Variants in TIMM21 observed in about 807,000 individuals in gnomAD.
TIMM21 encodes translocase of inner mitochondrial membrane 21.
Under a neutral mutation model 27.7 loss-of-function variants are expected in TIMM21, and 30 were observed. That is an observed-to-expected ratio of 1.08 (90% CI 0.81 to 1.47). TIMM21 has a LOEUF of 1.47. Among genes scored for constraint, TIMM21 ranks in the 40% most tolerant of loss-of-function variants. TIMM21 has a pLI of 0.00. For missense variants in TIMM21, 292 were observed against 302.9 expected (o/e 0.96, Z 0.27); for synonymous variants, 121 against 114.4 (o/e 1.06, Z -0.37).
Position 74,148,833 on chromosome 18 carries a change from G to A in TIMM21, c.25G>A (p.Val9Ile). MICTFLRA[V>I]QYTEKLHRSS... ...CATGATTTGTACTTTTCTACGAGCC[G>A]TACAGTATACGGAGAAGCTGCACAG... is the stretch of plus-strand genomic sequence containing the variant. The change falls in exon 1 of 6, where the codon GTA becomes ATA. Residue 9 changes from valine to isoleucine, a missense_variant. Physicochemically the swap from Val to Ile is conservative, Grantham distance 29. Transcript: ENST00000169551. 6.2e-7 allele frequency: 1 copy of A among 1,610,684 alleles called. No homozygotes were observed. The highest frequency in any genetic ancestry group is 8.5e-7 in the Non-Finnish European group (1 of 1,177,036).
intron 1 of TIMM21, among the ~76,000 whole-genome samples, chr18:74,154,373 T>C (rs1454373047): frequency 6.6e-6 from 1 of 152,064 alleles, no homozygotes; most frequent in Admixed American, 6.6e-5. Context: ...GCCATTCTCC[T>C]GCCTCAGCCT....
intron 1 of TIMM21, among the ~76,000 whole-genome samples, chr18:74,150,512 G>C (rs768370438): frequency 4.4e-4 from 67 of 152,226 alleles, no homozygotes; most frequent in Admixed American, 7.9e-4. Flanking sequence ...TGTTATGATA[G>C]AGGGTGAGAG....
chr18:74,158,395 A>G lies in TIMM21; in HGVS notation c.662A>G (p.Tyr221Cys). 1 of 1,606,430 alleles carries G rather than the reference A, an allele frequency of 6.2e-7. No individual in the cohort carries two copies. Among genetic ancestry groups the G allele is most frequent in the Non-Finnish European group, 8.5e-7 (1 of 1,174,912 alleles). The change falls in exon 6 of 6, where the codon TAT becomes TGT. Residue 221 changes from tyrosine (Y) to cysteine (C), a missense_variant. By Grantham distance (194) the Tyr-to-Cys change is radical. Transcript: ENST00000169551. Reference protein sequence around the residue: ...QVKENPGSGEYDFRYIFVEIE... With the variant: ...QVKENPGSGECDFRYIFVEIE... ...TTTCAGAACCCAGGAAGTGGTGAAT[A>G]TGATTTTCGATATATATTTGTAGAA...
At position 74,158,587 on chromosome 18, in the gene TIMM21, A is replaced by G. The variant is rs1188051972; in HGVS notation, c.*107A>G. ...AAAGACAAGAAGGAGTGTATGGCTTATAAAGTGAATCTAATACAGTATTTG... is the reference window on the plus strand; with the variant it reads ...AAAGACAAGAAGGAGTGTATGGCTTGTAAAGTGAATCTAATACAGTATTTG... On this transcript the variant is annotated 3_prime_UTR_variant, in exon 6 of 6. Coordinates refer to ENST00000169551, the MANE Select transcript of TIMM21 (RefSeq NM_014177.3). 1.4e-6 allele frequency: 1 copy of G among 714,746 alleles called. No individual in the cohort carries two copies. The highest frequency in any genetic ancestry group is 2.4e-6 in the Non-Finnish European group (1 of 412,364). The allele number at this position is 714,746 out of a possible 1,614,324, so 44.3% of individuals were successfully genotyped here. A position where few individuals can be genotyped will look rare whatever the true frequency, so the allele number is the denominator to read the frequency against.
Position 74,153,850 on chromosome 18 carries a change from A to G in TIMM21, c.302-1295A>G, listed in dbSNP as rs545241482. On this transcript the variant is annotated intron_variant, in intron 1 of 5. Transcript: ENST00000169551. ...GCAACATCTATTAAAATTTTCTTCCAAAAGTTTTTTTCTTAAAAATTTTTT... is the reference window on the plus strand; with the variant it reads ...GCAACATCTATTAAAATTTTCTTCCGAAAGTTTTTTTCTTAAAAATTTTTT... Among the ~76,000 whole-genome samples the G allele has an allele frequency of 6.6e-5, 10 of 152,344 alleles. No individual in the cohort carries two copies. In the East Asian group the frequency reaches 1.2e-3, roughly 18 times the overall value.
Position 74,158,875 on chromosome 18 carries a change from G to A in TIMM21, c.*395G>A, listed in dbSNP as rs376415729. On this transcript the variant is annotated 3_prime_UTR_variant, in exon 6 of 6. Transcript: ENST00000169551. ...AATATGTCATTAGCAGCTGCCCTCC[G>A]CATACTTTGGAATCTGACTTGAGAT... 4.8e-5 allele frequency: 9 copies of A among 185,838 alleles called. No individual in the cohort carries two copies. The highest frequency in any genetic ancestry group is 3.2e-4 in the South Asian group (3 of 9,314). 11.5% of individuals were successfully genotyped at this position (185,838 alleles called of 1,614,324 possible).
chr18:74,154,929 A>G (rs72974513), intron 1 of TIMM21, among the ~76,000 whole-genome samples: 1 of 152,324 alleles, frequency 6.6e-6, no homozygotes, highest in Non-Finnish European at 1.5e-5. Context: ...GGATTTCTTC[A>G]TCCTAAATTA....
At chr18:74,154,418 C>T (rs1457845590) in intron 1 of TIMM21, among the ~76,000 whole-genome samples, 1 of 152,158 alleles carries the variant, frequency 6.6e-6, no homozygotes, top group African/African-American at 2.4e-5. Flanking sequence ...CCCGCCACTG[C>T]GCCCGGGTAA....
intron 1 of TIMM21, among the ~76,000 whole-genome samples, chr18:74,154,025 C>T (rs1162622103): frequency 1.3e-5 from 2 of 152,092 alleles, no homozygotes; most frequent in Non-Finnish European, 2.9e-5. Flanking sequence ...AATGTTATAG[C>T]TCTTTGCATA....
Position 74,158,041 on chromosome 18 carries a change from A to G in TIMM21, c.490A>G (p.Lys164Glu), listed in dbSNP as rs762968630. 5.0e-6 allele frequency: 8 copies of G among 1,614,180 alleles called. No individual in the cohort carries two copies. The Admixed American group carries it at 1.2e-4, about 24-fold the overall frequency. ...EVIGVFGESV[K>E]GYGEVTRRGR... ...GATCGGTGTCTTTGGTGAGTCTGTT[A>G]AAGGCTATGGGGAGGTGACAAGGCG... The change falls in exon 4 of 6, where the codon AAA becomes GAA. Residue 164 changes from lysine to glutamate, a missense_variant. Lys to Glu is a moderately conservative substitution (Grantham distance 56, BLOSUM62 1). Transcript: ENST00000169551.
intron 1 of TIMM21, 49 bp downstream of exon 1, chr18:74,149,158 G>A: frequency 6.4e-7 from 1 of 1,561,004 alleles, no homozygotes; most frequent in Non-Finnish European, 8.7e-7. Context: ...CATGACAAGA[G>A]CTGCCAATGC....
At chr18:74,155,830 G>A (rs993017307) in intron 3 of TIMM21, among the ~76,000 whole-genome samples, 11 of 152,124 alleles carry the variant, frequency 7.2e-5, no homozygotes, top group Non-Finnish European at 1.5e-4. Flanking sequence ...ATTTGTGTTC[G>A]GCACTACTTT....
At position 74,159,239 on chromosome 18, in the gene TIMM21, T is replaced by G. The variant is rs910494141; in HGVS notation, c.*759T>G. ...TCTGACTGCCAAAAGAACATGGGAG[T>G]GAATGAGAGACATTCAAATACGTGT... is the stretch of plus-strand genomic sequence containing the variant. On this transcript the variant is annotated 3_prime_UTR_variant, in exon 6 of 6. Transcript: ENST00000169551. The G allele has an allele frequency of 7.0e-6, 1 of 142,602 alleles. No homozygotes were observed. The highest frequency in any genetic ancestry group is 2.6e-5 in the African/African-American group (1 of 37,872). The allele number at this position is 142,602 out of a possible 1,614,324, so 8.8% of individuals were successfully genotyped here.
In TIMM21 at chr18:74,148,554, T is replaced by C. The variant is rs1979670485; in HGVS notation, c.-255T>C. ...CTTTGCGAAGGCATGGCGGGGACACTGTGAATGTCAGCCCAGAAGGTGATC... is the reference window on the plus strand; with the variant it reads ...CTTTGCGAAGGCATGGCGGGGACACCGTGAATGTCAGCCCAGAAGGTGATC... On this transcript the variant is annotated 5_prime_UTR_variant, in exon 1 of 6. Coordinates refer to ENST00000169551, the MANE Select transcript of TIMM21 (RefSeq NM_014177.3). 2 of 361,494 alleles carry C rather than the reference T, an allele frequency of 5.5e-6. No individual in the cohort carries two copies. The highest frequency in any genetic ancestry group is 5.1e-6 in the Non-Finnish European group (1 of 197,782). 22.4% of individuals were successfully genotyped at this position (361,494 alleles called of 1,614,324 possible).
At position 74,159,897 on chromosome 18, in the gene TIMM21, C is replaced by T. The variant is rs1310512411; in HGVS notation, c.*1417C>T. On this transcript the variant is annotated 3_prime_UTR_variant, in exon 6 of 6. Coordinates refer to ENST00000169551, the MANE Select transcript of TIMM21 (RefSeq NM_014177.3). Reference sequence around the variant, plus strand: ...CAAACTGTAGCTTGCTGAAGAAGCCCGGCATCTGAGCTCAGGTGGGGATTT... The same window carrying T: ...CAAACTGTAGCTTGCTGAAGAAGCCTGGCATCTGAGCTCAGGTGGGGATTT... The T allele has an allele frequency of 1.3e-5, 2 of 152,170 alleles. No individual in the cohort carries two copies. The highest frequency in any genetic ancestry group is 2.4e-5 in the African/African-American group (1 of 41,428). The allele number at this position is 152,170 out of a possible 1,614,324, so 9.4% of individuals were successfully genotyped here.
In TIMM21 at chr18:74,158,356, A is replaced by C; in HGVS notation, c.643-20A>C. The stretch of plus-strand genomic sequence containing the variant: ...TTCTGGAAAGGAAAATAATACCTGG[A>C]AACACTACATTTTTTTCAGAACCCA... On this transcript the variant is annotated intron_variant, in intron 5 of 5. Transcript: ENST00000169551. 6.2e-7 allele frequency: 1 copy of C among 1,606,548 alleles called. No individual in the cohort carries two copies. The highest frequency in any genetic ancestry group is 8.5e-7 in the Non-Finnish European group (1 of 1,174,608).
chr18:74,151,946 C>CCCT (rs1555682325), intron 1 of TIMM21, among the ~76,000 whole-genome samples: 1 of 140,616 alleles, frequency 7.1e-6, no homozygotes, highest in Non-Finnish European at 1.5e-5. Context: ...TTCCCCCCCC[C>CCCT]CCCGGGGGGA....
chr18:74,149,726 G>A (rs17088867), intron 1 of TIMM21, among the ~76,000 whole-genome samples: 13,359 of 152,114 alleles, frequency 0.088, 1,086 homozygotes, highest in African/African-American at 0.21. Context: ...TTGTTTTAGA[G>A]TCTGCTGACT....
chr18:74,159,785 A>T lies in TIMM21; in HGVS notation c.*1305A>T, dbSNP rs1369577669. The T allele has an allele frequency of 3.9e-5, 6 of 152,162 alleles. No homozygotes were observed. The highest frequency in any genetic ancestry group is 6.5e-5 in the Admixed American group (1 of 15,282). 9.4% of individuals were successfully genotyped at this position (152,162 alleles called of 1,614,324 possible). A position where few individuals can be genotyped will look rare whatever the true frequency, so the allele number is the denominator to read the frequency against. ...TATAGAATGTTCAGTTTCAGGATTC[A>T]CTGAAATGTCAACATTTAACAGGCT... On this transcript the variant is annotated 3_prime_UTR_variant, in exon 6 of 6. Coordinates refer to ENST00000169551, the MANE Select transcript of TIMM21 (RefSeq NM_014177.3).
Sources: gnomAD v4.1 joint callset for allele counts (sites outside exome capture counted in the v4.1 genomes callset) on GRCh38, gnomAD v4.1.1 for gene constraint, MANE v1.5 for transcripts, NCBI Gene and HGNC (gene_info 2026-07-23, HGNC 2026-07-21) for gene names.